The following DAB1 variants were observed in gnomAD, a reference collection of about 807,000 sequenced individuals.
DAB1 encodes the protein DAB adaptor protein 1.
DAB1 carries 15 observed loss-of-function variants against 64.6 expected under a neutral mutation model. That is an observed-to-expected ratio of 0.23 (90% CI 0.16 to 0.36). The LOEUF (loss-of-function observed/expected upper bound fraction) is 0.36, where lower values mean the gene tolerates loss of function less well. Among genes scored for constraint, DAB1 ranks in the 10% least tolerant of loss-of-function variants. DAB1 has a pLI of 1.00. For synonymous variants in DAB1, 235 were observed against 251.9 expected (o/e 0.93, Z 0.64); for missense variants, 596 against 706.7 (o/e 0.84, Z 1.78).
chr1:57,774,026 T>C (rs1649681337), intron 6 of DAB1, among the ~76,000 whole-genome samples: 1 of 151,964 alleles, frequency 6.6e-6, no homozygotes. Flanking sequence ...TTGTAAATTT[T>C]GGCGGGGGGA....
At chr1:57,383,239 A>G (rs1270963980) in intron 1 of DAB1, among the ~76,000 whole-genome samples, 4 of 152,158 alleles carry the variant, frequency 2.6e-5, no homozygotes, top group Non-Finnish European at 5.9e-5. Context: ...ATGTATTTAG[A>G]GTATTTTGAG....
Position 58,144,457 on chromosome 1 carries a change from T to C in DAB1, n.387+6054A>G, listed in dbSNP as rs74074107. 9.1e-3 allele frequency among the ~76,000 whole-genome samples: 1,390 copies of C among 152,352 alleles called. 28 individuals carry two copies. The highest frequency in any genetic ancestry group is 0.032 in the African/African-American group (1,332 of 41,578). ...CATCTATCAAGTCCATTAATCAGTA[T>C]GGTCATTACTAATAGCTAAGATTTA... is the stretch of plus-strand genomic sequence containing the variant. On this transcript the variant is annotated intron_variant and non_coding_transcript_variant, in intron 5 of 20. Transcript: ENST00000485760.
At chr1:58,302,564 A>G (rs536427139) in intron 4 of DAB1, among the ~76,000 whole-genome samples, 6 of 151,942 alleles carry the variant, frequency 3.9e-5, no homozygotes, top group Admixed American at 2.6e-4. Context: ...CTAGTAACCT[A>G]TATCAGGGGC....
intron 2 of DAB1, among the ~76,000 whole-genome samples, chr1:57,184,362 G>A (rs116148408): frequency 1.9e-3 from 296 of 152,260 alleles, no homozygotes; most frequent in African/African-American, 6.5e-3. Flanking sequence ...CGCTGCATCC[G>A]TTCTTGCCCT....
At chr1:58,239,970 AATGTAAAGTT>A (rs2100375081) in intron 4 of DAB1, among the ~76,000 whole-genome samples, 1 of 152,284 alleles carries the variant, frequency 6.6e-6, no homozygotes, top group African/African-American at 2.4e-5. Flanking sequence ...AGAAACATTA[AATGTAAAGTT>A]GTCTTTGCTG....
chr1:57,632,260 G>A (rs1645998878), intron 7 of DAB1, among the ~76,000 whole-genome samples: 1 of 152,168 alleles, frequency 6.6e-6, no homozygotes, highest in Non-Finnish European at 1.5e-5. Flanking sequence ...TATTAGTGGA[G>A]TACTACTCTA....
At chr1:58,072,823 C>T (rs1179362814) in intron 5 of DAB1, among the ~76,000 whole-genome samples, 3 of 152,202 alleles carry the variant, frequency 2.0e-5, no homozygotes, top group Non-Finnish European at 4.4e-5. Flanking sequence ...GAAAGCAAGG[C>T]TGTATTATAT....
chr1:57,374,722 A>G (rs1473426876), intron 1 of DAB1, among the ~76,000 whole-genome samples: 1 of 152,110 alleles, frequency 6.6e-6, no homozygotes. Context: ...GCACACTACA[A>G]TCATTTAGAA....
At chr1:58,296,511 A>C (rs1662000414) in intron 4 of DAB1, among the ~76,000 whole-genome samples, 1 of 152,202 alleles carries the variant, frequency 6.6e-6, no homozygotes, top group South Asian at 2.1e-4. Flanking sequence ...TGCATGTTCC[A>C]AGACTCCAGT....
intron 4 of DAB1, among the ~76,000 whole-genome samples, chr1:57,113,544 C>T (rs184408703): frequency 1.0e-3 from 152 of 152,236 alleles, no homozygotes; most frequent in African/African-American, 2.8e-3. Flanking sequence ...GCAAAAGCAG[C>T]CATAGGTAAT....
At chr1:58,171,978 C>T (rs1656200318) in intron 4 of DAB1, among the ~76,000 whole-genome samples, 1 of 152,184 alleles carries the variant, frequency 6.6e-6, no homozygotes. Context: ...CTGGCTTATC[C>T]TCACCCTAAG....
intron 5 of DAB1, among the ~76,000 whole-genome samples, chr1:58,038,908 C>G (rs887356930): frequency 1.6e-4 from 25 of 152,286 alleles, no homozygotes; most frequent in South Asian, 6.2e-4. Flanking sequence ...TCTCCAATTC[C>G]CCATCCCTCA....
At chr1:57,330,839 C>G (rs938978680) in intron 1 of DAB1, among the ~76,000 whole-genome samples, 2 of 152,098 alleles carry the variant, frequency 1.3e-5, no homozygotes, top group African/African-American at 2.4e-5. Context: ...ACAGTGTGAA[C>G]CCTCGGCAGC....
intron 7 of DAB1, among the ~76,000 whole-genome samples, chr1:57,452,470 G>A (rs1686422825): frequency 6.6e-6 from 1 of 152,050 alleles, no homozygotes; most frequent in Non-Finnish European, 1.5e-5. Flanking sequence ...AGAAAGCTGA[G>A]GCTTAGAAAG....
chr1:57,919,367 C>T (rs1487080756), intron 5 of DAB1, among the ~76,000 whole-genome samples: 1 of 152,198 alleles, frequency 6.6e-6, no homozygotes, highest in Non-Finnish European at 1.5e-5. Context: ...TTTACTGGAG[C>T]ATGTAGACAT....
intron 1 of DAB1, among the ~76,000 whole-genome samples, chr1:57,860,317 T>G (rs1168357248): frequency 6.6e-6 from 1 of 152,176 alleles, no homozygotes; most frequent in Non-Finnish European, 1.5e-5. Context: ...ATTTCCTGGG[T>G]TAGGAAACTG....
intron 6 of DAB1, among the ~76,000 whole-genome samples, chr1:57,719,786 G>A (rs567417500): frequency 1.3e-4 from 20 of 152,282 alleles, no homozygotes; most frequent in East Asian, 5.8e-4. Context: ...CTTTATAGCC[G>A]TGTGAGAGCG....
intron 5 of DAB1, among the ~76,000 whole-genome samples, chr1:58,103,338 G>T (rs920307797): frequency 6.6e-6 from 1 of 152,040 alleles, no homozygotes; most frequent in African/African-American, 2.4e-5. Flanking sequence ...AACTTTCTCC[G>T]TAAAGGGCCT....
At chr1:57,059,786 T>C (rs1650192818) in intron 9 of DAB1, among the ~76,000 whole-genome samples, 1 of 152,136 alleles carries the variant, frequency 6.6e-6, no homozygotes, top group African/African-American at 2.4e-5. Context: ...AGGAAATATA[T>C]CGAAATTCTC....
Sources: allele counts gnomAD v4.1 joint callset (sites outside exome capture counted in the v4.1 genomes callset), GRCh38; gene constraint gnomAD v4.1.1; transcripts MANE v1.5; gene names NCBI Gene and HGNC (gene_info 2026-07-23, HGNC 2026-07-21).